PACSIN1: variants seen among roughly 807,000 people sequenced by gnomAD.
PACSIN1 encodes the protein protein kinase C and casein kinase substrate in neurons 1, also known as protein kinase C and casein kinase substrate in neurons protein 1.
A neutral mutation model predicts 59.5 loss-of-function variants in PACSIN1; 15 were observed. The ratio of observed to expected loss-of-function variants is 0.25; its 90% CI spans 0.17 to 0.39. The LOEUF is 0.39. PACSIN1 is among the 10% of genes least tolerant of loss of function. The probability of loss-of-function intolerance (pLI) is 1.00; values close to 1 mark genes in which losing one functional copy is unlikely to be tolerated. For synonymous variants in PACSIN1, 210 were observed against 220.6 expected (o/e 0.95, Z 0.42); for missense variants, 420 against 580.2 (o/e 0.72, Z 2.84).
rs118036404 is a variant in PACSIN1 at position 34,500,131 on chromosome 6, G to A, written c.-63-26112G>A. Among the ~76,000 whole-genome samples, 4 of 152,196 alleles carry A rather than the reference G, an allele frequency of 2.6e-5. No individual in the cohort carries two copies. The South Asian group carries it at 6.2e-4, about 24-fold the overall frequency. On this transcript the variant is annotated intron_variant, in intron 1 of 9. Coordinates refer to ENST00000244458, the MANE Select transcript of PACSIN1 (RefSeq NM_020804.5). ...TTTCTCCAAAGAAGATATACAGTTG[G>A]TCAATAAGCACAGGAAAAGATGTTC...
intron 1 of PACSIN1, among the ~76,000 whole-genome samples, chr6:34,508,464 G>C (rs1195015754): frequency 6.6e-6 from 1 of 151,914 alleles, no homozygotes; most frequent in Non-Finnish European, 1.5e-5. Flanking sequence ...ACGAGGTCTC[G>C]CTATGTTATC....
At chr6:34,480,982 C>CT (rs1409371707) in intron 1 of PACSIN1, among the ~76,000 whole-genome samples, 3 of 150,966 alleles carry the variant, frequency 2.0e-5, no homozygotes, top group Admixed American at 2.0e-4. Context: ...TGTTTTAGCA[C>CT]TTGCAGTCAT....
chr6:34,516,775 G>A lies in PACSIN1; in HGVS notation c.-63-9468G>A, dbSNP rs1767299714. On this transcript the variant is annotated intron_variant, in intron 1 of 9. Transcript: ENST00000244458. This position sits in a 1 kb window ranked among gnomAD's most constrained non-coding sequence, Gnocchi z 5.4. ...ATGGGCTTCTGGGACACATTTCCCT[G>A]GCCCAATTCATTGCACACAACGTGC... Among the ~76,000 whole-genome samples the A allele has an allele frequency of 1.3e-5, 2 of 152,194 alleles. No homozygotes were observed. The highest frequency in any genetic ancestry group is 2.1e-4 in the South Asian group (1 of 4,834).
At chr6:34,483,001 CTTTTTTTTTTT>C (rs34111587) in intron 1 of PACSIN1, among the ~76,000 whole-genome samples, 30 of 112,014 alleles carry the variant, frequency 2.7e-4, no homozygotes, top group Admixed American at 2.7e-3. Context: ...CCATGTTTAA[CTTTTTTTTTTT>C]TTTTTTTTTG....
At position 34,471,758 on chromosome 6, in the gene PACSIN1, C is replaced by T. The variant is rs148765191; in HGVS notation, c.-64+5488C>T. 2.0e-5 allele frequency among the ~76,000 whole-genome samples: 3 copies of T among 152,290 alleles called. No individual in the cohort carries two copies. The East Asian group carries it at 5.8e-4, about 29-fold the overall frequency. Reference sequence around the variant, plus strand: ...CTTTTTGGGACTTATTCCACAGGTACACTCTGAGCAGGGTGCAAAGATTAG... The same window carrying T: ...CTTTTTGGGACTTATTCCACAGGTATACTCTGAGCAGGGTGCAAAGATTAG... On this transcript the variant is annotated intron_variant, in intron 1 of 9. Coordinates refer to ENST00000244458, the MANE Select transcript of PACSIN1 (RefSeq NM_020804.5).
At position 34,522,409 on chromosome 6, in the gene PACSIN1, C is replaced by A. The variant is rs573777734; in HGVS notation, c.-63-3834C>A. On this transcript the variant is annotated intron_variant, in intron 1 of 9. Transcript: ENST00000244458. ...GTGATAGCCAATGTTAATGTCAACA[C>A]CTCTCTATGTAATGATAGTGTGGTG... 3.9e-5 allele frequency among the ~76,000 whole-genome samples: 6 copies of A among 152,342 alleles called. No individual in the cohort carries two copies. The South Asian group carries it at 1.2e-3, about 32-fold the overall frequency.
intron 1 of PACSIN1, among the ~76,000 whole-genome samples, chr6:34,503,256 G>A (rs1243907569): frequency 1.4e-5 from 2 of 140,368 alleles, no homozygotes; most frequent in East Asian, 4.0e-4. Flanking sequence ...GCATCAGAGC[G>A]AGATCCTGTC....
intron 1 of PACSIN1, among the ~76,000 whole-genome samples, chr6:34,487,789 G>A (rs1398002777): frequency 2.6e-5 from 4 of 152,188 alleles, no homozygotes; most frequent in Non-Finnish European, 4.4e-5. Flanking sequence ...GCAATGCCCA[G>A]AGAGGGACTC....
chr6:34,480,799 T>C (rs1320951016), intron 1 of PACSIN1, among the ~76,000 whole-genome samples: 1 of 152,212 alleles, frequency 6.6e-6, no homozygotes, highest in Non-Finnish European at 1.5e-5. Context: ...TTATAGATAA[T>C]GTGAAACTGT....
intron 1 of PACSIN1, among the ~76,000 whole-genome samples, chr6:34,511,658 C>A (rs973087455): frequency 2.8e-4 from 43 of 152,304 alleles, no homozygotes; most frequent in African/African-American, 1.0e-3. Flanking sequence ...CCACTAAAGC[C>A]TTTCCATTTT....
At chr6:34,527,942 T>C (rs1767519641) in intron 3 of PACSIN1, among the ~76,000 whole-genome samples, 2 of 152,206 alleles carry the variant, frequency 1.3e-5, no homozygotes, top group South Asian at 4.1e-4. Context: ...GCTATCAAAT[T>C]TGGGACATGT....
At chr6:34,528,591 G>C in intron 3 of PACSIN1, 51 bp from the exon 4 acceptor site, 1 of 1,318,452 alleles carries the variant, frequency 7.6e-7, no homozygotes, top group Non-Finnish European at 1.1e-6. Flanking sequence ...GTGAGGGGGG[G>C]CCTCTGGGCA....
Position 34,528,889 on chromosome 6 carries a change from GTGCT to G in PACSIN1, c.456+13_456+16del. On this transcript the variant is annotated intron_variant, in intron 4 of 9. Transcript: ENST00000244458. ...AGAAGATGAAGGAGGTGCTCAGTGG[GTGCT>G]GCCACGGGCGGGGTGGGGTGGGCCC... is the stretch of plus-strand genomic sequence containing the variant. 3 of 1,482,740 alleles carry G rather than the reference GTGCT, an allele frequency of 2.0e-6. No homozygotes were observed. Among genetic ancestry groups the G allele is most frequent in the South Asian group, 1.1e-5 (1 of 88,338 alleles). 91.8% of individuals were successfully genotyped at this position (1,482,740 alleles called of 1,614,324 possible).
intron 1 of PACSIN1, among the ~76,000 whole-genome samples, chr6:34,502,731 G>A (rs1278312203): frequency 6.6e-6 from 1 of 152,106 alleles, no homozygotes; most frequent in Non-Finnish European, 1.5e-5. Context: ...CTCCCAAAGT[G>A]CTGGGATCAC....
chr6:34,479,727 A>T (rs943468664), intron 1 of PACSIN1, among the ~76,000 whole-genome samples: 1 of 152,256 alleles, frequency 6.6e-6, no homozygotes, highest in Non-Finnish European at 1.5e-5. Context: ...AAGTGCTGGG[A>T]TTACAGGCAG....
At position 34,531,735 on chromosome 6, in the gene PACSIN1, G is replaced by A. The variant is rs765314465; in HGVS notation, c.1173G>A (p.Arg391=). 7.5e-6 allele frequency: 12 copies of A among 1,603,998 alleles called. No homozygotes were observed. The highest frequency in any genetic ancestry group is 6.7e-5 in the East Asian group (3 of 44,620). The change falls in exon 9 of 10, where the codon CGG becomes CGA. Residue 391 remains arginine, a synonymous_variant. Transcript: ENST00000244458. The surrounding 1 kb of genome is among the most constrained non-coding windows in gnomAD (Gnocchi z 4.4). ...FEDDSKGVRV[R]ALYDYDGQEQ... The stretch of plus-strand genomic sequence containing the variant: ...ACGACTCCAAGGGAGTGCGCGTGCG[G>A]GCACTCTACGACTATGACGGCCAGG...
In PACSIN1 at chr6:34,533,354, C is replaced by T. The variant is rs1767637492; in HGVS notation, c.*824C>T. The T allele has an allele frequency of 6.6e-6, 1 of 152,322 alleles. No individual in the cohort carries two copies. The highest frequency in any genetic ancestry group is 2.4e-5 in the African/African-American group (1 of 41,460). 9.4% of individuals were successfully genotyped at this position (152,322 alleles called of 1,614,324 possible). The stretch of plus-strand genomic sequence containing the variant: ...CAGCAGATCCAAACCCCCTCAGCAA[C>T]TTGCAGAGGACCTGTCCCCTCTCAA... On this transcript the variant is annotated 3_prime_UTR_variant, in exon 10 of 10. Transcript: ENST00000244458.
intron 3 of PACSIN1, 57 bp from the exon 4 acceptor site, chr6:34,528,584 AG>A (rs1007990506): frequency 8.9e-6 from 11 of 1,235,578 alleles, no homozygotes; most frequent in South Asian, 2.4e-5. Flanking sequence ...GGGAGATGTG[AG>A]GGGGGGCCTC....
At chr6:34,468,986 C>G (rs900226160) in intron 1 of PACSIN1, among the ~76,000 whole-genome samples, 1 of 152,170 alleles carries the variant, frequency 6.6e-6, no homozygotes, top group African/African-American at 2.4e-5. Flanking sequence ...AGATGAGGGA[C>G]CCATTCAGAA....
Sources: allele counts gnomAD v4.1 joint callset (sites outside exome capture counted in the v4.1 genomes callset), GRCh38; gene constraint gnomAD v4.1.1; non-coding constraint Gnocchi (gnomAD v3.1); transcripts MANE v1.5; gene names NCBI Gene and HGNC (gene_info 2026-07-23, HGNC 2026-07-21).